The following ZC3H14 variants were observed in gnomAD, a reference collection of about 807,000 sequenced individuals.
ZC3H14 encodes zinc finger CCCH domain-containing protein 14.
Under a neutral mutation model 92.4 loss-of-function variants are expected in ZC3H14, and 31 were observed. That is an observed-to-expected ratio of 0.34 (90% CI 0.25 to 0.45). The LOEUF is 0.45. Ranked by LOEUF, ZC3H14 falls within the 20% of genes least tolerant of loss-of-function variation. The pLI, the probability that ZC3H14 is intolerant of heterozygous loss-of-function variation, is 1.00. For missense variants in ZC3H14, 781 were observed against 897.3 expected (o/e 0.87, Z 1.66); for synonymous variants, 321 against 300.9 (o/e 1.07, Z -0.69).
At position 88,626,974 on chromosome 14, in the gene ZC3H14, G is replaced by T. The variant is rs1267719915; in HGVS notation, c.*15223G>T. 1 of 1,613,794 alleles carries T rather than the reference G, an allele frequency of 6.2e-7. No homozygotes were observed. Among genetic ancestry groups the T allele is most frequent in the Non-Finnish European group, 8.5e-7 (1 of 1,179,872 alleles). Reference sequence around the variant, plus strand: ...TTTTACTCCCACTGAGACAAACTGGGTATCTGAATCTGGTCGGAATTCTGC... The same window carrying T: ...TTTTACTCCCACTGAGACAAACTGGTTATCTGAATCTGGTCGGAATTCTGC... On this transcript the variant is annotated 3_prime_UTR_variant, in exon 17 of 17. Transcript: ENST00000251038.
In ZC3H14 at chr14:88,622,871, C is replaced by T. The variant is rs1414415592; in HGVS notation, c.*11120C>T. The T allele has an allele frequency of 4.0e-6, 2 of 498,018 alleles. No individual in the cohort carries two copies. The highest frequency in any genetic ancestry group is 3.9e-5 in the African/African-American group (2 of 50,652). The allele number at this position is 498,018 out of a possible 1,614,324, so 30.8% of individuals were successfully genotyped here. A position where few individuals can be genotyped will look rare whatever the true frequency, so the allele number is the denominator to read the frequency against. ...TAATATTCTTGTAAACTTTCTATGG[C>T]AATTTGAGGATATACTATATCTCAG... is the stretch of plus-strand genomic sequence containing the variant. On this transcript the variant is annotated 3_prime_UTR_variant, in exon 17 of 17. Transcript: ENST00000251038.
intron 9 of ZC3H14, among the ~76,000 whole-genome samples, chr14:88,582,432 G>A (rs2082010834): frequency 6.6e-6 from 1 of 152,138 alleles, no homozygotes; most frequent in African/African-American, 2.4e-5. Flanking sequence ...AGATTAAAAG[G>A]CAAATCAAAG....
rs1398222811 is a variant in ZC3H14 at position 88,617,076 on chromosome 14, A to G, written c.*5325A>G. ...CTGCCTTTTAAAAATGACATTTTAT[A>G]ATTTGAAGGGTTTCTAGATTAATCT... On this transcript the variant is annotated 3_prime_UTR_variant, in exon 17 of 17. Coordinates refer to ENST00000251038, the MANE Select transcript of ZC3H14 (RefSeq NM_024824.5). 4 of 464,006 alleles carry G rather than the reference A, an allele frequency of 8.6e-6. No individual in the cohort carries two copies. The highest frequency in any genetic ancestry group is 1.5e-5 in the Non-Finnish European group (4 of 261,770). 28.7% of individuals were successfully genotyped at this position (464,006 alleles called of 1,614,324 possible).
In ZC3H14 at chr14:88,623,235, C is replaced by G. The variant is rs1334784065; in HGVS notation, c.*11484C>G. ...TTCACCATGTTGGCCAGGCTGGTCTCAAATACCTTGACCTCAGGTGATCTG... is the reference window on the plus strand; with the variant it reads ...TTCACCATGTTGGCCAGGCTGGTCTGAAATACCTTGACCTCAGGTGATCTG... On this transcript the variant is annotated 3_prime_UTR_variant, in exon 17 of 17. Coordinates refer to ENST00000251038, the MANE Select transcript of ZC3H14 (RefSeq NM_024824.5). 1 of 152,330 alleles carries G rather than the reference C, an allele frequency of 6.6e-6. No individual in the cohort carries two copies. Among genetic ancestry groups the G allele is most frequent in the Non-Finnish European group, 1.5e-5 (1 of 68,300 alleles). The allele number at this position is 152,330 out of a possible 1,614,324, so 9.4% of individuals were successfully genotyped here.
At chr14:88,572,002 A>G in intron 4 of ZC3H14, 28 bp from the exon 5 acceptor site, 3 of 1,529,478 alleles carry the variant, frequency 2.0e-6, no homozygotes, top group Non-Finnish European at 2.7e-6. Flanking sequence ...ATAAAAATAG[A>G]TTAAAAGGAC....
rs2088978756 is a variant in ZC3H14, at chr14:88,621,725, A to G, written c.*9974A>G. 4 of 305,398 alleles carry G rather than the reference A, an allele frequency of 1.3e-5. No individual in the cohort carries two copies. The highest frequency in any genetic ancestry group is 1.2e-4 in the South Asian group (4 of 32,878). 18.9% of individuals were successfully genotyped at this position (305,398 alleles called of 1,614,324 possible). A position where few individuals can be genotyped will look rare whatever the true frequency, so the allele number is the denominator to read the frequency against. ...TAATATCCGTATGATTTATAAATAC[A>G]CTTAATAAGTACAAACACGCTCAAA... On this transcript the variant is annotated 3_prime_UTR_variant, in exon 17 of 17. Transcript: ENST00000251038.
At chr14:88,595,047 TACTG>T in intron 9 of ZC3H14, 1 of 1,613,578 alleles carries the variant, frequency 6.2e-7, no homozygotes, top group Non-Finnish European at 8.5e-7. Context: ...AAGAAGAAGA[TACTG>T]AATCACAGTC....
Position 88,584,246 on chromosome 14 carries a change from T to G in ZC3H14, c.1279+6106T>G, listed in dbSNP as rs1375458587. 5.3e-5 allele frequency among the ~76,000 whole-genome samples: 8 copies of G among 152,212 alleles called. No individual in the cohort carries two copies. The East Asian group carries it at 1.5e-3, about 29-fold the overall frequency. ...GAACTGTGTGGGTCCACTCATACAC[T>G]TATATGTGGATTTTTGAAAATAAAT... On this transcript the variant is annotated intron_variant, in intron 9 of 16. Coordinates refer to ENST00000251038, the MANE Select transcript of ZC3H14 (RefSeq NM_024824.5).
Position 88,626,622 on chromosome 14 carries a change from A to G in ZC3H14, c.*14871A>G. On this transcript the variant is annotated 3_prime_UTR_variant, in exon 17 of 17. Transcript: ENST00000251038. ...ACAGAGTGAGATACTGTGTCAAAAA[A>G]AAAAAAAAATCCTTTTCCCCCTCTC... 1.7e-6 allele frequency: 1 copy of G among 578,192 alleles called. No individual in the cohort carries two copies. Among genetic ancestry groups the G allele is most frequent in the Non-Finnish European group, 3.0e-6 (1 of 332,716 alleles). 35.8% of individuals were successfully genotyped at this position (578,192 alleles called of 1,614,324 possible). A position where few individuals can be genotyped will look rare whatever the true frequency, so the allele number is the denominator to read the frequency against.
Position 88,616,361 on chromosome 14 carries a change from A to C in ZC3H14, c.*4610A>C. 1 of 965,096 alleles carries C rather than the reference A, an allele frequency of 1.0e-6. No individual in the cohort carries two copies. Among genetic ancestry groups the C allele is most frequent in the Non-Finnish European group, 1.6e-6 (1 of 621,880 alleles). 59.8% of individuals were successfully genotyped at this position (965,096 alleles called of 1,614,324 possible). ...GGAGAGAGTAGGGAGTTAGCACCGC[A>C]GCCAGTGATTAGAATGCTTTTCAGC... On this transcript the variant is annotated 3_prime_UTR_variant, in exon 17 of 17. Coordinates refer to ENST00000251038, the MANE Select transcript of ZC3H14 (RefSeq NM_024824.5).
At chr14:88,596,602 A>C (rs1252550108) in intron 9 of ZC3H14, 132 bp from the exon 10 acceptor site, 2 of 773,110 alleles carry the variant, frequency 2.6e-6, no homozygotes, top group Non-Finnish European at 4.4e-6. Context: ...AATACTATTA[A>C]ATTGAATTGT....
In ZC3H14 at chr14:88,622,714, T is replaced by G. The variant is rs760450441; in HGVS notation, c.*10963T>G. ...CACAGTTTAACCGCTCCTCCTTCTT[T>G]TGACCTAAGTAAATAACCAAGCCAG... On this transcript the variant is annotated 3_prime_UTR_variant, in exon 17 of 17. Coordinates refer to ENST00000251038, the MANE Select transcript of ZC3H14 (RefSeq NM_024824.5). 2.1e-5 allele frequency: 33 copies of G among 1,602,382 alleles called. No individual in the cohort carries two copies. The highest frequency in any genetic ancestry group is 2.7e-5 in the Non-Finnish European group (32 of 1,174,348).
rs907550409 is a variant in ZC3H14, at chr14:88,613,664, A to C, written c.*1913A>C. 3 of 152,300 alleles carry C rather than the reference A, an allele frequency of 2.0e-5. No homozygotes were observed. In the South Asian group the frequency reaches 6.2e-4, roughly 32 times the overall value. The allele number at this position is 152,300 out of a possible 1,614,324, so 9.4% of individuals were successfully genotyped here. A position where few individuals can be genotyped will look rare whatever the true frequency, so the allele number is the denominator to read the frequency against. On this transcript the variant is annotated 3_prime_UTR_variant, in exon 17 of 17. Coordinates refer to ENST00000251038, the MANE Select transcript of ZC3H14 (RefSeq NM_024824.5). The stretch of plus-strand genomic sequence containing the variant: ...CACCACAAAAAGGGACCACAAAAAA[A>C]GGAAGGAAATGAGCATGGTTGGCGA...
rs1358683137 is a variant in ZC3H14, at chr14:88,617,150, C to CT, written c.*5412dup. On this transcript the variant is annotated 3_prime_UTR_variant, in exon 17 of 17. Coordinates refer to ENST00000251038, the MANE Select transcript of ZC3H14 (RefSeq NM_024824.5). Reference sequence around the variant, plus strand: ...ATGAAAACTGATAGAACTATTTTTTCTTTTTTTTTTTTTGAGACGGAGTTT... The same window carrying CT: ...ATGAAAACTGATAGAACTATTTTTTCTTTTTTTTTTTTTTGAGACGGAGTTT... 6,333 of 184,320 alleles carry CT rather than the reference C, an allele frequency of 0.034. 52 individuals carry two copies. The highest frequency in any genetic ancestry group is 0.05 in the African/African-American group (2,008 of 40,338). The allele number at this position is 184,320 out of a possible 1,614,324, so 11.4% of individuals were successfully genotyped here.
In ZC3H14 at chr14:88,563,300, G is replaced by A. The variant is rs924372874; in HGVS notation, c.36+131G>A. ...CGCTGGACGCTCCTGGCGGGCTGCG[G>A]CTCCTCCTCGTCCAGGCCGCCTCGG... is the stretch of plus-strand genomic sequence containing the variant. On this transcript the variant is annotated intron_variant, in intron 1 of 16. Transcript: ENST00000251038. 5 of 1,528,060 alleles carry A rather than the reference G, an allele frequency of 3.3e-6. No homozygotes were observed. The African/African-American group carries it at 4.2e-5, about 13-fold the overall frequency. 94.7% of individuals were successfully genotyped at this position (1,528,060 alleles called of 1,614,324 possible). A position where few individuals can be genotyped will look rare whatever the true frequency, so the allele number is the denominator to read the frequency against.
At chr14:88,598,195 A>G (rs550917493) in intron 10 of ZC3H14, among the ~76,000 whole-genome samples, 1 of 152,004 alleles carries the variant, frequency 6.6e-6, no homozygotes, top group South Asian at 2.1e-4. Flanking sequence ...GGTCACTGGT[A>G]TTCTGGGTTC....
rs931515191 is a variant in ZC3H14, at chr14:88,601,817, G to A, written c.1355-107G>A. The A allele has an allele frequency of 2.2e-6, 3 of 1,337,500 alleles. No homozygotes were observed. The African/African-American group carries it at 4.4e-5, about 20-fold the overall frequency. 82.9% of individuals were successfully genotyped at this position (1,337,500 alleles called of 1,614,324 possible). A position where few individuals can be genotyped will look rare whatever the true frequency, so the allele number is the denominator to read the frequency against. ...GTGGAACCAGTTGTGATTTTCCTTTGAAATAATTTGAATATATAAAAGATT... is the reference window on the plus strand; with the variant it reads ...GTGGAACCAGTTGTGATTTTCCTTTAAAATAATTTGAATATATAAAAGATT... On this transcript the variant is annotated intron_variant, in intron 10 of 16. Coordinates refer to ENST00000251038, the MANE Select transcript of ZC3H14 (RefSeq NM_024824.5).
At chr14:88,611,492 C>T (rs968793856) in intron 16 of ZC3H14, among the ~76,000 whole-genome samples, 9 of 152,158 alleles carry the variant, frequency 5.9e-5, no homozygotes, top group African/African-American at 1.7e-4. Context: ...CCATTTTCTT[C>T]GACATTAGCA....
At position 88,563,074 on chromosome 14, in the gene ZC3H14, C is replaced by T; in HGVS notation, c.-60C>T. ...GTCCCGGCTGCGGGGTAGGAGTCCG[C>T]GGCAGCCTCCGGGTAAGCCAAGCGC... On this transcript the variant is annotated 5_prime_UTR_variant, in exon 1 of 17. Transcript: ENST00000251038. The T allele has an allele frequency of 6.5e-7, 1 of 1,544,362 alleles. No homozygotes were observed. The highest frequency in any genetic ancestry group is 8.7e-7 in the Non-Finnish European group (1 of 1,151,818).
Sources: gnomAD v4.1 joint callset for allele counts (sites outside exome capture counted in the v4.1 genomes callset) on GRCh38, gnomAD v4.1.1 for gene constraint, MANE v1.5 for transcripts, NCBI Gene and HGNC (gene_info 2026-07-23, HGNC 2026-07-21) for gene names.